The following ATP8A2 variants were observed in gnomAD, a reference collection of about 807,000 sequenced individuals.
ATP8A2 encodes the protein phospholipid-transporting ATPase IB.
Under a neutral mutation model 165.6 loss-of-function variants are expected in ATP8A2, and 100 were observed. The ratio of observed to expected loss-of-function variants is 0.60; its 90% confidence interval spans 0.51 to 0.71. The LOEUF (loss-of-function observed/expected upper bound fraction) is 0.71. Ranked by LOEUF, ATP8A2 falls within the 30% of genes least tolerant of loss-of-function variation. The pLI, the probability that ATP8A2 is intolerant of heterozygous loss-of-function variation, is 0.00. For missense variants in ATP8A2, 1,227 were observed against 1,479.5 expected (o/e 0.83, Z 2.80); for synonymous variants, 543 against 548.8 (o/e 0.99, Z 0.15).
intron 11 of ATP8A2, among the ~76,000 whole-genome samples, chr13:25,553,541 A>G (rs1245699452): frequency 6.6e-6 from 1 of 152,180 alleles, no homozygotes; most frequent in Admixed American, 6.5e-5. Flanking sequence ...GATGGCCTTC[A>G]GTGACCATGC....
At chr13:25,485,923 A>G (rs956148015) in intron 2 of ATP8A2, among the ~76,000 whole-genome samples, 1 of 151,788 alleles carries the variant, frequency 6.6e-6, no homozygotes, top group African/African-American at 2.4e-5. Flanking sequence ...ACCAATTGAC[A>G]ACATTGCTCC....
At chr13:25,839,202 G>C (rs1333331657) in intron 29 of ATP8A2, among the ~76,000 whole-genome samples, 2 of 152,016 alleles carry the variant, frequency 1.3e-5, no homozygotes, top group Non-Finnish European at 2.9e-5. Flanking sequence ...CCTTTTTCTG[G>C]ATGTTTGTAA....
chr13:25,783,887 T>C (rs767303015), intron 27 of ATP8A2, among the ~76,000 whole-genome samples: 3 of 152,172 alleles, frequency 2.0e-5, no homozygotes, highest in Non-Finnish European at 2.9e-5. Context: ...TGCCTAGGAA[T>C]GTTCTCTGAA....
At chr13:25,957,999 G>A (rs879482480) in intron 33 of ATP8A2, among the ~76,000 whole-genome samples, 1 of 152,042 alleles carries the variant, frequency 6.6e-6, no homozygotes, top group Non-Finnish European at 1.5e-5. Flanking sequence ...ATCATTCTCA[G>A]GAATGATGGT....
At chr13:25,569,946 G>T (rs956597227) in intron 16 of ATP8A2, among the ~76,000 whole-genome samples, 6 of 152,130 alleles carry the variant, frequency 3.9e-5, no homozygotes. Context: ...CTTATATTTA[G>T]AATATTTAGA....
At chr13:25,723,861 T>C (rs375467097) in intron 25 of ATP8A2, among the ~76,000 whole-genome samples, 17 of 151,936 alleles carry the variant, frequency 1.1e-4, no homozygotes, top group African/African-American at 3.9e-4. Flanking sequence ...ACCTATCACA[T>C]GAGCCGTTTA....
At chr13:25,693,663 ATCTCTCTGTC>A (rs2042775121) in intron 24 of ATP8A2, among the ~76,000 whole-genome samples, 1 of 75,904 alleles carries the variant, frequency 1.3e-5, no homozygotes, top group African/African-American at 4.0e-5. Flanking sequence ...CATCCCTCAG[ATCTCTCTGTC>A]TCTCTCTCTC....
intron 6 of ATP8A2, 79 bp from the exon 7 acceptor site, chr13:25,537,909 A>G (rs1252784656): frequency 1.0e-6 from 1 of 957,754 alleles, no homozygotes; most frequent in Non-Finnish European, 1.6e-6. Context: ...TTTTCTTCAA[A>G]TATTTAAGCA....
At position 25,811,926 on chromosome 13, in the gene ATP8A2, C is replaced by T. The variant is rs576928652; in HGVS notation, c.2680-16192C>T. Among the ~76,000 whole-genome samples the T allele has an allele frequency of 3.3e-5, 5 of 152,248 alleles. No individual in the cohort carries two copies. In the South Asian group the frequency reaches 1.0e-3, roughly 32 times the overall value. ...TCTCTGAATATGTGTGCCTATTTTG[C>T]AGTATGCTAAATTTGGTTCATTTTA... On this transcript the variant is annotated intron_variant, in intron 27 of 36. Coordinates refer to ENST00000381655, the MANE Select transcript of ATP8A2 (RefSeq NM_016529.6).
chr13:25,775,020 A>G, intron 27 of ATP8A2, 61 bp downstream of exon 27: 1 of 925,856 alleles, frequency 1.1e-6, no homozygotes, highest in Non-Finnish European at 1.7e-6. Flanking sequence ...ATCTTGAGGT[A>G]TTTAAAGTCA....
intron 15 of ATP8A2, among the ~76,000 whole-genome samples, chr13:25,560,036 C>T (rs906910640): frequency 3.8e-4 from 58 of 152,226 alleles, no homozygotes; most frequent in African/African-American, 1.3e-3. Context: ...CTATGTTGCT[C>T]AGGCTGGTCT....
At chr13:25,554,670 T>G (rs1346140832) in intron 12 of ATP8A2, among the ~76,000 whole-genome samples, 1 of 151,936 alleles carries the variant, frequency 6.6e-6, no homozygotes, top group Non-Finnish European at 1.5e-5. Context: ...GCGATTCTCA[T>G]GCGTCAGCCT....
At chr13:25,727,615 A>C (rs2043523407) in intron 25 of ATP8A2, among the ~76,000 whole-genome samples, 1 of 152,246 alleles carries the variant, frequency 6.6e-6, no homozygotes, top group Non-Finnish European at 1.5e-5. Flanking sequence ...AGGGACCAGT[A>C]ATAAAACATA....
At chr13:25,548,106 G>A (rs1334054646) in intron 10 of ATP8A2, among the ~76,000 whole-genome samples, 1 of 152,032 alleles carries the variant, frequency 6.6e-6, no homozygotes, top group African/African-American at 2.4e-5. Context: ...TGCACCTGTG[G>A]TTCCAGCTAC....
intron 7 of ATP8A2, 89 bp downstream of exon 7, chr13:25,538,150 G>A (rs1002574126): frequency 2.3e-6 from 2 of 853,530 alleles, no homozygotes; most frequent in African/African-American, 3.3e-5. Flanking sequence ...TGAGCAGCCT[G>A]TTCCCTTCTA....
chr13:25,765,399 A>G (rs562664937), intron 25 of ATP8A2, among the ~76,000 whole-genome samples: 12 of 152,300 alleles, frequency 7.9e-5, no homozygotes, highest in African/African-American at 2.9e-4. Flanking sequence ...TCCAGGTCAC[A>G]AGTTAAGATT....
At chr13:25,536,694 T>C (rs1181814348) in intron 6 of ATP8A2, among the ~76,000 whole-genome samples, 1 of 152,188 alleles carries the variant, frequency 6.6e-6, no homozygotes, top group East Asian at 1.9e-4. Flanking sequence ...GAATAGGAAA[T>C]AGAAAGCATA....
chr13:25,820,891 A>G (rs1482084248), intron 27 of ATP8A2, among the ~76,000 whole-genome samples: 3 of 152,036 alleles, frequency 2.0e-5, no homozygotes, highest in Non-Finnish European at 4.4e-5. Context: ...CAGCTCATGG[A>G]TTTTAAAATT....
intron 35 of ATP8A2, among the ~76,000 whole-genome samples, chr13:26,006,277 A>C (rs1294415843): frequency 6.6e-6 from 1 of 151,918 alleles, no homozygotes; most frequent in East Asian, 1.9e-4. Flanking sequence ...TTTTGATTAT[A>C]AATTGGATTG....
Sources: allele counts gnomAD v4.1 joint callset (sites outside exome capture counted in the v4.1 genomes callset), GRCh38; gene constraint gnomAD v4.1.1; transcripts MANE v1.5; gene names NCBI Gene and HGNC (gene_info 2026-07-23, HGNC 2026-07-21).